Variants in MZT1 observed in about 807,000 individuals in gnomAD.
The protein encoded by MZT1 is mitotic spindle organizing protein 1.
In MZT1, 8 loss-of-function variants were observed where a neutral mutation model predicts 8.5. The ratio of observed to expected loss-of-function variants is 0.94; its 90% CI spans 0.55 to 1.70. MZT1 has a LOEUF of 1.70. MZT1 is among the 40% of genes most tolerant of loss of function. The pLI is 0.00. For synonymous variants in MZT1, 38 were observed against 42.0 expected (o/e 0.90, Z 0.37); for missense variants, 93 against 108.6 (o/e 0.86, Z 0.64).
intron 2 of MZT1, among the ~76,000 whole-genome samples, chr13:72,718,134 G>A (rs1398142752): frequency 1.3e-5 from 2 of 152,180 alleles, no homozygotes; most frequent in African/African-American, 4.8e-5. Flanking sequence ...GGCGTTAGCT[G>A]GGTCATGCTC....
intron 1 of MZT1, among the ~76,000 whole-genome samples, chr13:72,719,471 A>G (rs1011248591): frequency 2.6e-5 from 4 of 152,160 alleles, no homozygotes; most frequent in African/African-American, 9.7e-5. Context: ...CACTATACTT[A>G]ACTACTCTGT....
intron 2 of MZT1, among the ~76,000 whole-genome samples, chr13:72,712,323 A>C (rs546529642): frequency 6.6e-6 from 1 of 152,256 alleles, no homozygotes; most frequent in South Asian, 2.1e-4. Context: ...AGCTAACTAA[A>C]ATAAATATTT....
rs930437965 is a variant in MZT1, at chr13:72,708,709, A to T, written c.*1613T>A. 8.5e-5 allele frequency: 13 copies of T among 152,098 alleles called. No homozygotes were observed. Among genetic ancestry groups the T allele is most frequent in the Non-Finnish European group, 1.6e-4 (11 of 68,004 alleles). 9.4% of individuals were successfully genotyped at this position (152,098 alleles called of 1,614,324 possible). On this transcript the variant is annotated 3_prime_UTR_variant, in exon 3 of 3. Coordinates refer to ENST00000377818, the MANE Select transcript of MZT1 (RefSeq NM_001071775.3). The stretch of plus-strand genomic sequence containing the variant: ...TGTAGTGTTGATTATAAATCAAATG[A>T]CTTTTTACAAATTCCTACTGTCTCC...
chr13:72,725,051 C>CA (rs767509747), intron 1 of MZT1, among the ~76,000 whole-genome samples: 1,450 of 93,802 alleles, frequency 0.015, 21 homozygotes, highest in African/African-American at 0.044. Flanking sequence ...GACTCGGTCT[C>CA]AAAAAAAAAA....
chr13:72,725,009 T>C (rs1252782101), intron 1 of MZT1, among the ~76,000 whole-genome samples: 1 of 145,574 alleles, frequency 6.9e-6, no homozygotes, highest in Admixed American at 7.0e-5. Context: ...GAGGTTGCAG[T>C]GAGCCAAGGT....
intron 2 of MZT1, 53 bp downstream of exon 2, chr13:72,718,899 T>C: frequency 6.7e-7 from 1 of 1,486,658 alleles, no homozygotes; most frequent in Non-Finnish European, 8.9e-7. Context: ...TCATTAATCA[T>C]TTTTCTAAAT....
chr13:72,719,258 T>G, intron 1 of MZT1, among the ~76,000 whole-genome samples, 161 bp from the exon 2 acceptor site: 1 of 152,196 alleles, frequency 6.6e-6, no homozygotes, highest in East Asian at 1.9e-4. Context: ...TGCCTTTACT[T>G]AGTTTTAGAA....
intron 2 of MZT1, 138 bp from the exon 3 acceptor site, chr13:72,710,483 A>T: frequency 4.0e-6 from 3 of 746,006 alleles, no homozygotes; most frequent in Non-Finnish European, 7.0e-6. Flanking sequence ...ACAGTAATGC[A>T]GTGCTTTTCA....
At position 72,710,206 on chromosome 13, in the gene MZT1, G is replaced by C. The variant is rs1349981414; in HGVS notation, c.*116C>G. On this transcript the variant is annotated 3_prime_UTR_variant, in exon 3 of 3. Transcript: ENST00000377818. ...TATGGTTTTATAATTCTTTTAAAAA[G>C]TAAAATTTTTCTACACTGCTGCATG... The C allele has an allele frequency of 1.0e-5, 11 of 1,061,800 alleles. No homozygotes were observed. Among genetic ancestry groups the C allele is most frequent in the South Asian group, 1.0e-4 (7 of 68,046 alleles). 65.8% of individuals were successfully genotyped at this position (1,061,800 alleles called of 1,614,324 possible). A position where few individuals can be genotyped will look rare whatever the true frequency, so the allele number is the denominator to read the frequency against.
rs2032493801 is a variant in MZT1 at position 72,712,073 on chromosome 13, A to C, written c.226-1728T>G. Among the ~76,000 whole-genome samples the C allele has an allele frequency of 2.0e-5, 3 of 152,188 alleles. No individual in the cohort carries two copies. In the South Asian group the frequency reaches 6.2e-4, roughly 32 times the overall value. ...TTGTATTTTCTGAATTAAATATCTT[A>C]AAAGTATAAGGATGCATTACTTTCA... On this transcript the variant is annotated intron_variant, in intron 2 of 2. Coordinates refer to ENST00000377818, the MANE Select transcript of MZT1 (RefSeq NM_001071775.3).
intron 2 of MZT1, among the ~76,000 whole-genome samples, chr13:72,710,956 G>A (rs2032483428): frequency 1.3e-5 from 2 of 151,996 alleles, no homozygotes; most frequent in South Asian, 4.1e-4. Context: ...TTTTAAATAA[G>A]TTTAATTTTA....
intron 1 of MZT1, among the ~76,000 whole-genome samples, chr13:72,720,855 T>A (rs1399706294): frequency 3.3e-5 from 5 of 151,968 alleles, no homozygotes; most frequent in African/African-American, 1.2e-4. Context: ...GCCATTGCAC[T>A]CCAGCCTGGG....
intron 2 of MZT1, among the ~76,000 whole-genome samples, chr13:72,713,107 G>A (rs916872742): frequency 1.3e-5 from 2 of 152,120 alleles, no homozygotes; most frequent in African/African-American, 4.8e-5. Context: ...TACTGGAGGA[G>A]AAAACTTAGT....
In MZT1 at chr13:72,718,994, T is replaced by C. The variant is rs1046588; in HGVS notation, c.183A>G (p.Ser61=). 4 of 1,593,348 alleles carry C rather than the reference T, an allele frequency of 2.5e-6. No homozygotes were observed. The highest frequency in any genetic ancestry group is 2.3e-5 in the South Asian group (2 of 86,812). ...CCTTGCGAAGCTCCTTAATAACCGA[T>C]GATAAAGCTTCTGGGTTAATTCCTT... ...CEQGINPEAL[S]SVIKELRKAT... is the part of the protein sequence containing the mutation. Residue 61 remains serine (S), a synonymous_variant, in exon 2 of 3, where the codon TCA becomes TCG. Coordinates refer to ENST00000377818, the MANE Select transcript of MZT1 (RefSeq NM_001071775.3).
intron 1 of MZT1, among the ~76,000 whole-genome samples, chr13:72,726,302 G>A (rs1320443458): frequency 6.6e-6 from 1 of 152,064 alleles, no homozygotes; most frequent in African/African-American, 2.4e-5. Flanking sequence ...GTTCTGGCGG[G>A]CACCTGTAAT....
At chr13:72,721,283 T>C (rs551815682) in intron 1 of MZT1, among the ~76,000 whole-genome samples, 1 of 152,312 alleles carries the variant, frequency 6.6e-6, no homozygotes, top group African/African-American at 2.4e-5. Context: ...GGCTAATTAT[T>C]CCCCTTATGA....
intron 1 of MZT1, among the ~76,000 whole-genome samples, chr13:72,723,420 A>G (rs1218066482): frequency 1.3e-5 from 2 of 152,242 alleles, no homozygotes; most frequent in African/African-American, 4.8e-5. Context: ...TCCAAAACTT[A>G]TTAAGTACTG....
At chr13:72,726,380 G>A (rs549247810) in intron 1 of MZT1, among the ~76,000 whole-genome samples, 8 of 152,244 alleles carry the variant, frequency 5.3e-5, no homozygotes, top group South Asian at 4.2e-4. Context: ...GCAGTGAGCC[G>A]AGGTTGCGCC....
At position 72,710,219 on chromosome 13, in the gene MZT1, A is replaced by G; in HGVS notation, c.*103T>C. 1 of 1,206,864 alleles carries G rather than the reference A, an allele frequency of 8.3e-7. No individual in the cohort carries two copies. Among genetic ancestry groups the G allele is most frequent in the Non-Finnish European group, 1.2e-6 (1 of 836,520 alleles). The allele number at this position is 1,206,864 out of a possible 1,614,324, so 74.8% of individuals were successfully genotyped here. A position where few individuals can be genotyped will look rare whatever the true frequency, so the allele number is the denominator to read the frequency against. ...TTCTTTTAAAAAGTAAAATTTTTCT[A>G]CACTGCTGCATGCAGTAATTTCATT... On this transcript the variant is annotated 3_prime_UTR_variant, in exon 3 of 3. Transcript: ENST00000377818.
Sources: allele counts gnomAD v4.1 joint callset (sites outside exome capture counted in the v4.1 genomes callset), GRCh38; gene constraint gnomAD v4.1.1; transcripts MANE v1.5; gene names NCBI Gene and HGNC (gene_info 2026-07-23, HGNC 2026-07-21).